ZDHHC18: variants seen among roughly 807,000 people sequenced by gnomAD.
The protein encoded by ZDHHC18 is zDHHC palmitoyltransferase 18, also known as palmitoyltransferase ZDHHC18.
In ZDHHC18, 23 loss-of-function variants were observed where a neutral mutation model predicts 37.5. That is an observed-to-expected ratio of 0.61 (90% CI 0.44 to 0.87). The LOEUF (loss-of-function observed/expected upper bound fraction) is 0.87, where lower values mean the gene tolerates loss of function less well. Ranked by LOEUF, ZDHHC18 falls within the 40% of genes least tolerant of loss-of-function variation. The pLI, the probability that ZDHHC18 is intolerant of heterozygous loss-of-function variation, is 0.00. For synonymous variants in ZDHHC18, 185 were observed against 218.7 expected (o/e 0.85, Z 1.36); for missense variants, 406 against 525.6 (o/e 0.77, Z 2.22).
chr1:26,853,049 G>A, intron 7 of ZDHHC18, 184 bp downstream of exon 7: 19 of 520,656 alleles, frequency 3.6e-5, no homozygotes, highest in South Asian at 5.2e-5. Context: ...GCTCATTGTA[G>A]AAAAAAAAAA....
At chr1:26,847,501 T>C (rs913472297) in intron 2 of ZDHHC18, among the ~76,000 whole-genome samples, 1 of 152,206 alleles carries the variant, frequency 6.6e-6, no homozygotes, top group African/African-American at 2.4e-5. Context: ...CATGAGCCAC[T>C]GCATTCGGCC....
At chr1:26,846,156 A>G (rs1457289797) in intron 2 of ZDHHC18, among the ~76,000 whole-genome samples, 1 of 147,946 alleles carries the variant, frequency 6.8e-6, no homozygotes, top group Non-Finnish European at 1.5e-5. Flanking sequence ...ATATATATAC[A>G]TGTATATATG....
intron 2 of ZDHHC18, among the ~76,000 whole-genome samples, chr1:26,842,685 C>T (rs1233843601): frequency 1.3e-5 from 2 of 152,244 alleles, no homozygotes; most frequent in Non-Finnish European, 2.9e-5. Flanking sequence ...TGCTCAGATG[C>T]TTAGTTCCAT....
At chr1:26,845,388 A>AGT (rs1421709073) in intron 2 of ZDHHC18, among the ~76,000 whole-genome samples, 1 of 114,280 alleles carries the variant, frequency 8.8e-6, no homozygotes. Context: ...GCTGGAGTGC[A>AGT]GTGGCATGAT....
chr1:26,844,643 G>C (rs1010891187), intron 2 of ZDHHC18, among the ~76,000 whole-genome samples: 1 of 152,100 alleles, frequency 6.6e-6, no homozygotes, highest in African/African-American at 2.4e-5. Context: ...TGTCCAAAGC[G>C]GTCATATGAG....
At chr1:26,852,244 T>G (rs557283143) in intron 6 of ZDHHC18, among the ~76,000 whole-genome samples, 1 of 152,374 alleles carries the variant, frequency 6.6e-6, no homozygotes, top group East Asian at 1.9e-4. Context: ...TATTCTTTAT[T>G]GCTAAACTCT....
intron 2 of ZDHHC18, among the ~76,000 whole-genome samples, chr1:26,837,689 A>G (rs1482103008): frequency 6.6e-6 from 1 of 151,944 alleles, no homozygotes; most frequent in Admixed American, 6.6e-5. Flanking sequence ...CATGTTGGCC[A>G]GGCTGGTCTT....
Position 26,856,423 on chromosome 1 carries a change from T to C in ZDHHC18, c.*2580T>C. 1 of 282,586 alleles carries C rather than the reference T, an allele frequency of 3.5e-6. No homozygotes were observed. The highest frequency in any genetic ancestry group is 2.7e-5 in the South Asian group (1 of 37,272). The allele number at this position is 282,586 out of a possible 1,614,324, so 17.5% of individuals were successfully genotyped here. ...GGTAGGGTCTCCAGGGACTCCCCGC[T>C]AAGCAGAAGGATCGGGATATAGGGC... On this transcript the variant is annotated 3_prime_UTR_variant, in exon 8 of 8. Coordinates refer to ENST00000374142, the MANE Select transcript of ZDHHC18 (RefSeq NM_032283.3). The surrounding 1 kb of genome is among the most constrained non-coding windows in gnomAD (Gnocchi z 5.2).
At position 26,829,030 on chromosome 1, in the gene ZDHHC18, G is replaced by A. The variant is rs562411521; in HGVS notation, c.335+1891G>A. Among the ~76,000 whole-genome samples, 19 of 152,280 alleles carry A rather than the reference G, an allele frequency of 1.2e-4. No homozygotes were observed. The South Asian group carries it at 3.5e-3, about 28-fold the overall frequency. On this transcript the variant is annotated intron_variant, in intron 1 of 7. Coordinates refer to ENST00000374142, the MANE Select transcript of ZDHHC18 (RefSeq NM_032283.3). Reference sequence around the variant, plus strand: ...CACTGGTGACTGTTTTGTCCCCAGCGAGGGAGAAAGCAAGGACTTCTGGGT... The same window carrying A: ...CACTGGTGACTGTTTTGTCCCCAGCAAGGGAGAAAGCAAGGACTTCTGGGT...
chr1:26,841,254 C>T (rs140231519), intron 2 of ZDHHC18, among the ~76,000 whole-genome samples: 16 of 152,298 alleles, frequency 1.1e-4, no homozygotes, highest in Admixed American at 3.9e-4. Context: ...GTTGGGATTA[C>T]AGGTGTAAGC....
intron 2 of ZDHHC18, among the ~76,000 whole-genome samples, chr1:26,844,333 C>T (rs947799973): frequency 6.6e-6 from 1 of 152,194 alleles, no homozygotes; most frequent in African/African-American, 2.4e-5. Flanking sequence ...GCCACTGCAC[C>T]CGGCCAGACA....
rs2081700403 is a variant in ZDHHC18, at chr1:26,850,887, G to A, written c.834-242G>A. Among the ~76,000 whole-genome samples the A allele has an allele frequency of 1.3e-5, 2 of 152,154 alleles. No homozygotes were observed. The highest frequency in any genetic ancestry group is 1.3e-4 in the Admixed American group (2 of 15,276). On this transcript the variant is annotated intron_variant, in intron 5 of 7. Transcript: ENST00000374142. The surrounding 1 kb of genome is among the most constrained non-coding windows in gnomAD (Gnocchi z 6.1). ...GTCGTGCCCAAGGCTCTTTGTGATT[G>A]GAACCCTCAGTTTTCTCTGCCGTCC...
chr1:26,843,651 G>A (rs1241851769), intron 2 of ZDHHC18, among the ~76,000 whole-genome samples: 15 of 151,650 alleles, frequency 9.9e-5, no homozygotes, highest in Admixed American at 5.9e-4. Flanking sequence ...TTATCTGGGC[G>A]TAGTGGCACA....
chr1:26,856,355 C>T lies in ZDHHC18; in HGVS notation c.*2512C>T, dbSNP rs1470085071. 3 of 376,304 alleles carry T rather than the reference C, an allele frequency of 8.0e-6. No homozygotes were observed. The highest frequency in any genetic ancestry group is 1.7e-5 in the Non-Finnish European group (3 of 174,422). The allele number at this position is 376,304 out of a possible 1,614,324, so 23.3% of individuals were successfully genotyped here. A position where few individuals can be genotyped will look rare whatever the true frequency, so the allele number is the denominator to read the frequency against. On this transcript the variant is annotated 3_prime_UTR_variant, in exon 8 of 8. Coordinates refer to ENST00000374142, the MANE Select transcript of ZDHHC18 (RefSeq NM_032283.3). This position sits in a 1 kb window ranked among gnomAD's most constrained non-coding sequence, Gnocchi z 5.2. Reference sequence around the variant, plus strand: ...CATGCCTCGCCAACCCCATGGAGCCCGTCCATCTGTCTGGTGTGTGGTGCG... The same window carrying T: ...CATGCCTCGCCAACCCCATGGAGCCTGTCCATCTGTCTGGTGTGTGGTGCG...
intron 2 of ZDHHC18, among the ~76,000 whole-genome samples, chr1:26,844,917 T>G (rs1257900334): frequency 6.7e-6 from 1 of 149,216 alleles, no homozygotes; most frequent in African/African-American, 2.4e-5. Context: ...TACATGGTTT[T>G]TTTTTTTGGT....
At chr1:26,852,454 C>A (rs1009396326) in intron 6 of ZDHHC18, among the ~76,000 whole-genome samples, 16 of 152,346 alleles carry the variant, frequency 1.1e-4, no homozygotes, top group Non-Finnish European at 1.9e-4. Flanking sequence ...TCAGCCCTCA[C>A]CCTGTGCCCC....
intron 6 of ZDHHC18, among the ~76,000 whole-genome samples, chr1:26,851,657 A>G (rs774161712): frequency 9.2e-5 from 14 of 152,200 alleles, no homozygotes; most frequent in Non-Finnish European, 1.8e-4. Flanking sequence ...CATGTCTGAG[A>G]GGTCACACAG....
intron 2 of ZDHHC18, among the ~76,000 whole-genome samples, chr1:26,834,427 C>G (rs995908575): frequency 1.1e-4 from 16 of 152,158 alleles, no homozygotes; most frequent in Middle Eastern, 3.2e-3. Context: ...ACTCCCAAAC[C>G]CCTTGCTTTC....
At position 26,827,120 on chromosome 1, in the gene ZDHHC18, G is replaced by T. The variant is rs868746192; in HGVS notation, c.316G>T (p.Gly106Cys). ...GCTGCTGCTCATCCTCACCACCACCGGCCTCTTCTTCGTCTTTGAGTGAGT... is the reference window on the plus strand; with the variant it reads ...GCTGCTGCTCATCCTCACCACCACCTGCCTCTTCTTCGTCTTTGAGTGAGT... ...LTLLLILTTTGLFFVFDCPYL... is the reference protein window; with the variant it reads ...LTLLLILTTTCLFFVFDCPYL... Residue 106 changes from glycine (G) to cysteine (C), a missense_variant, in exon 1 of 8, where the codon GGC becomes TGC. By Grantham distance (159) the Gly-to-Cys change is radical (BLOSUM62 -3). Coordinates refer to ENST00000374142, the MANE Select transcript of ZDHHC18 (RefSeq NM_032283.3). The T allele has an allele frequency of 7.1e-7, 1 of 1,412,374 alleles. No individual in the cohort carries two copies. The highest frequency in any genetic ancestry group is 9.2e-7 in the Non-Finnish European group (1 of 1,087,268). 87.5% of individuals were successfully genotyped at this position (1,412,374 alleles called of 1,614,324 possible). A position where few individuals can be genotyped will look rare whatever the true frequency, so the allele number is the denominator to read the frequency against.
Sources: gnomAD v4.1 joint callset for allele counts (sites outside exome capture counted in the v4.1 genomes callset) on GRCh38, gnomAD v4.1.1 for gene constraint, Gnocchi (gnomAD v3.1) non-coding constraint, MANE v1.5 for transcripts, NCBI Gene and HGNC (gene_info 2026-07-23, HGNC 2026-07-21) for gene names.